ANKRD24: variants seen among roughly 807,000 people sequenced by gnomAD.
ANKRD24 encodes the protein ankyrin repeat domain-containing protein 24.
In ANKRD24, 109 loss-of-function variants were observed where a neutral mutation model predicts 127.8. The observed-to-expected ratio is 0.85, with a 90% CI of 0.73 to 1.00. ANKRD24 has a LOEUF of 1.00. ANKRD24 is among the 50% of genes least tolerant of loss of function. The probability of loss-of-function intolerance (pLI) is 0.00; values close to 1 mark genes in which losing one functional copy is unlikely to be tolerated. For missense variants in ANKRD24, 1,648 were observed against 1,570.2 expected (o/e 1.05, Z -0.84); for synonymous variants, 743 against 671.1 (o/e 1.11, Z -1.66).
chr19:4,194,620 G>A (rs1301162752), intron 2 of ANKRD24, among the ~76,000 whole-genome samples: 4 of 152,174 alleles, frequency 2.6e-5, no homozygotes, highest in African/African-American at 9.7e-5. Context: ...AGCTGAGTGA[G>A]GTCTCTGGAG....
chr19:4,222,727 G>T lies in ANKRD24; in HGVS notation c.3229G>T (p.Ala1077Ser), dbSNP rs1970506746. 1 of 1,612,120 alleles carries T rather than the reference G, an allele frequency of 6.2e-7. No individual in the cohort carries two copies. The highest frequency in any genetic ancestry group is 8.5e-7 in the Non-Finnish European group (1 of 1,178,878). The part of the protein sequence containing the change: ...NLKEALKEQP[A>S]ALATPEVEAL... ...TAAGGAAGCCTTGAAGGAGCAGCCGGCCGCCCTCGCCACCCCTGAGGTGGA... is the reference window on the plus strand; with the variant it reads ...TAAGGAAGCCTTGAAGGAGCAGCCGTCCGCCCTCGCCACCCCTGAGGTGGA... Residue 1077 changes from alanine (A) to serine (S), a missense_variant, in exon 20 of 22, where the codon GCC (alanine) becomes TCC (serine). By Grantham distance (99) the Ala-to-Ser change is moderately conservative. Coordinates refer to ENST00000318934, the MANE Select transcript of ANKRD24 (RefSeq NM_001393985.1).
intron 2 of ANKRD24, among the ~76,000 whole-genome samples, chr19:4,189,962 GAGAC>G (rs1253378431): frequency 6.6e-6 from 1 of 152,106 alleles, no homozygotes; most frequent in Non-Finnish European, 1.5e-5. Flanking sequence ...AGAATGGGTG[GAGAC>G]AGACAGCGGG....
At position 4,199,972 on chromosome 19, in the gene ANKRD24, T is replaced by C. The variant is rs373580986; in HGVS notation, c.221T>C (p.Val74Ala). Residue 74 changes from valine to alanine, a missense_variant, in exon 4 of 22, where the codon GTG becomes GCG. Coordinates refer to ENST00000318934, the MANE Select transcript of ANKRD24 (RefSeq NM_001393985.1). This position sits in a 1 kb window ranked among gnomAD's most constrained non-coding sequence, Gnocchi z 5.2. ...VAALIARKGL[V>A]PTKLDPEGKS... ...GCCCTCATCGCCCGCAAGGGGCTGGTGCCCACGAAGCTAGACCCCGAGGGC... is the reference window on the plus strand; with the variant it reads ...GCCCTCATCGCCCGCAAGGGGCTGGCGCCCACGAAGCTAGACCCCGAGGGC... 138 of 1,564,454 alleles carry C rather than the reference T, an allele frequency of 8.8e-5. No individual in the cohort carries two copies. Among genetic ancestry groups the C allele is most frequent in the Non-Finnish European group, 1.2e-4 (133 of 1,154,768 alleles).
intron 15 of ANKRD24, among the ~76,000 whole-genome samples, chr19:4,213,172 T>C (rs566664226): frequency 3.5e-4 from 53 of 151,962 alleles, no homozygotes; most frequent in African/African-American, 1.2e-3. Flanking sequence ...CCCATGCACA[T>C]TTACAAATGT....
In ANKRD24 at chr19:4,221,875, G is replaced by A. The variant is rs546956004; in HGVS notation, c.3172-795G>A. On this transcript the variant is annotated intron_variant, in intron 19 of 21. Transcript: ENST00000318934. The stretch of plus-strand genomic sequence containing the variant: ...TGGGCATTGTAGGGGACTGAGCAGC[G>A]TCCTTGACCTCTACCCACTCCAAGC... Among the ~76,000 whole-genome samples, 10 of 152,254 alleles carry A rather than the reference G, an allele frequency of 6.6e-5. No homozygotes were observed. In the East Asian group the frequency reaches 1.2e-3, roughly 18 times the overall value.
At position 4,217,653 on chromosome 19, in the gene ANKRD24, C is replaced by T; in HGVS notation, c.2493C>T (p.Gly831=). ...TGCTGGCGGAGGAGGAGGCGCGGGG[C>T]CTGCGGGCCGAGCTGGCCCAGCGGG... ...SRLLAEEEAR[G]LRAELAQREE... Residue 831 remains glycine, a synonymous_variant, in exon 18 of 22, where the codon GGC becomes GGT. Transcript: ENST00000318934. 1 of 1,284,536 alleles carries T rather than the reference C, an allele frequency of 7.8e-7. No individual in the cohort carries two copies. Among genetic ancestry groups the T allele is most frequent in the Non-Finnish European group, 9.8e-7 (1 of 1,019,408 alleles). 79.6% of individuals were successfully genotyped at this position (1,284,536 alleles called of 1,614,324 possible).
At chr19:4,204,651 C>G (rs2145309727) in intron 7 of ANKRD24, among the ~76,000 whole-genome samples, 1 of 152,290 alleles carries the variant, frequency 6.6e-6, no homozygotes, top group South Asian at 2.1e-4. Flanking sequence ...GTCCGCTGTC[C>G]CCGTGAAATT....
chr19:4,207,862 C>T lies in ANKRD24; in HGVS notation c.726C>T (p.Ile242=). The T allele has an allele frequency of 6.4e-7, 1 of 1,560,958 alleles. No individual in the cohort carries two copies. The highest frequency in any genetic ancestry group is 2.3e-5 in the East Asian group (1 of 43,822). ...VLLQGGAQPG[I]TDALGQDAAH... Reference sequence around the variant, plus strand: ...TGCAGGGCGGAGCCCAGCCGGGCATCACCGATGCGCTGGGGCAGGACGCGG... The same window carrying T: ...TGCAGGGCGGAGCCCAGCCGGGCATTACCGATGCGCTGGGGCAGGACGCGG... The change falls in exon 10 of 22, where the codon ATC becomes ATT. Residue 242 remains isoleucine (I), a synonymous_variant. Transcript: ENST00000318934.
chr19:4,201,916 C>T lies in ANKRD24; in HGVS notation c.344-110C>T, dbSNP rs1568324044. ...AAAAGGAGAGAAATACTAGGGTTTA[C>T]GGACTTTGCTAGACTCAGAAACTCA... is the stretch of plus-strand genomic sequence containing the variant. On this transcript the variant is annotated intron_variant, in intron 5 of 21. Transcript: ENST00000318934. 6.8e-5 allele frequency: 63 copies of T among 929,818 alleles called. No homozygotes were observed. In the South Asian group the frequency reaches 7.1e-4, roughly 11 times the overall value. The allele number at this position is 929,818 out of a possible 1,614,324, so 57.6% of individuals were successfully genotyped here.
At chr19:4,219,959 A>G (rs1341834877) in intron 19 of ANKRD24, among the ~76,000 whole-genome samples, 1 of 152,196 alleles carries the variant, frequency 6.6e-6, no homozygotes, top group African/African-American at 2.4e-5. Flanking sequence ...CCAGGTACCA[A>G]TTATAACCAC....
chr19:4,207,194 G>A, intron 7 of ANKRD24, 48 bp from the exon 8 acceptor site: 1 of 1,571,908 alleles, frequency 6.4e-7, no homozygotes, highest in Non-Finnish European at 8.7e-7. Flanking sequence ...AAGGTGCTGG[G>A]ATTACAGGGT....
chr19:4,210,820 T>TA (rs928448313), intron 13 of ANKRD24, among the ~76,000 whole-genome samples: 7 of 149,278 alleles, frequency 4.7e-5, no homozygotes, highest in African/African-American at 1.5e-4. Context: ...TTTATTTTTT[T>TA]TTTATTTATT....
intron 2 of ANKRD24, among the ~76,000 whole-genome samples, chr19:4,189,150 A>T (rs4807547): frequency 0.4 from 60,147 of 149,938 alleles, 12,447 homozygotes; most frequent in Admixed American, 0.46. Context: ...ATTATCATGT[A>T]CCCATTCATT....
chr19:4,214,788 A>G (rs1969964247), intron 15 of ANKRD24, among the ~76,000 whole-genome samples: 1 of 152,174 alleles, frequency 6.6e-6, no homozygotes, highest in Non-Finnish European at 1.5e-5. Flanking sequence ...CAGGAGGCGG[A>G]GGTTGCAGTG....
At position 4,216,466 on chromosome 19, in the gene ANKRD24, G is replaced by A. The variant is rs1048317169; in HGVS notation, c.1389+64G>A. ...GGGCTGGTTCCCTGAGGTCAGGGTG[G>A]GCAGGGAAGGTGGCAAGGCTGCCCT... On this transcript the variant is annotated intron_variant, in intron 17 of 21. Transcript: ENST00000318934. The A allele has an allele frequency of 4.8e-5, 74 of 1,554,930 alleles. No individual in the cohort carries two copies. In the Admixed American group the frequency reaches 1.1e-3, roughly 23 times the overall value.
chr19:4,215,833 A>G (rs1399201014), intron 15 of ANKRD24, 145 bp from the exon 16 acceptor site: 3 of 649,228 alleles, frequency 4.6e-6, no homozygotes, highest in Admixed American at 2.9e-5. Flanking sequence ...GGTGCTCACT[A>G]AATCCTTGTG....
rs183212083 is a variant in ANKRD24 at position 4,191,874 on chromosome 19, C to T, written c.36+5413C>T. The stretch of plus-strand genomic sequence containing the variant: ...TTGGCTCACTGCAACCTCCGCCTCC[C>T]GGGTTCAAGGGATTCTCCTGCCTCA... On this transcript the variant is annotated intron_variant, in intron 2 of 21. Transcript: ENST00000318934. Among the ~76,000 whole-genome samples the T allele has an allele frequency of 3.3e-3, 495 of 151,868 alleles. 2 individuals are homozygous for T. Among genetic ancestry groups the T allele is most frequent in the African/African-American group, 0.011 (470 of 41,394 alleles).
At position 4,207,867 on chromosome 19, in the gene ANKRD24, A is replaced by ATGCGC. The variant is rs768093620; in HGVS notation, c.734_738dup (p.Gly247ArgfsTer83). The ATGCGC allele has an allele frequency of 6.4e-7, 1 of 1,561,434 alleles. No individual in the cohort carries two copies. The highest frequency in any genetic ancestry group is 2.1e-5 in the Admixed American group (1 of 48,372). ...GGCGGAGCCCAGCCGGGCATCACCG[A>ATGCGC]TGCGCTGGGGCAGGACGCGGCTCAC... On this transcript the variant is annotated frameshift_variant, in exon 10 of 22. Transcript: ENST00000318934. LOFTEE classifies it high-confidence loss of function.
chr19:4,221,185 C>A (rs1970421461), intron 19 of ANKRD24, among the ~76,000 whole-genome samples: 1 of 151,878 alleles, frequency 6.6e-6, no homozygotes, highest in Non-Finnish European at 1.5e-5. Flanking sequence ...TCAAGAGATT[C>A]TCCTGCCTAG....
Sources: allele counts gnomAD v4.1 joint callset (sites outside exome capture counted in the v4.1 genomes callset), GRCh38; gene constraint gnomAD v4.1.1; non-coding constraint Gnocchi (gnomAD v3.1); transcripts MANE v1.5; gene names NCBI Gene and HGNC (gene_info 2026-07-23, HGNC 2026-07-21).